OR6N1: variants seen among roughly 807,000 people sequenced by gnomAD.
The protein encoded by OR6N1 is olfactory receptor family 6 subfamily N member 1, also known as olfactory receptor 6N1.
For synonymous variants in OR6N1, 170 were observed against 150.7 expected (o/e 1.13, Z -0.94); for missense variants, 394 against 371.7 (o/e 1.06, Z -0.49).
chr1:158,824,743 C>T, the OR6N1 span, among the ~76,000 whole-genome samples: 1 of 152,154 alleles, frequency 6.6e-6, no homozygotes, highest in Non-Finnish European at 1.5e-5. Flanking sequence ...ATAAATGGTA[C>T]TGAGGTAACT....
chr1:158,804,241 C>T, the OR6N1 span, among the ~76,000 whole-genome samples: 1 of 152,242 alleles, frequency 6.6e-6, no homozygotes, highest in East Asian at 1.9e-4. Context: ...GATCACCATC[C>T]TTTGGTCTGA....
chr1:158,799,196 A>T, the OR6N1 span, among the ~76,000 whole-genome samples: 3 of 152,192 alleles, frequency 2.0e-5, no homozygotes, highest in Admixed American at 2.0e-4. Context: ...CATTTATCTC[A>T]CACCTAGTCA....
the OR6N1 span, among the ~76,000 whole-genome samples, chr1:158,799,365 G>A: frequency 1.7e-4 from 26 of 152,096 alleles, no homozygotes; most frequent in Non-Finnish European, 7.4e-5. Flanking sequence ...CATATAAATC[G>A]TGTTTAAAAG....
At chr1:158,838,524 TTGAG>T in the OR6N1 span, among the ~76,000 whole-genome samples, 1 of 152,112 alleles carries the variant, frequency 6.6e-6, no homozygotes, top group Non-Finnish European at 1.5e-5. Flanking sequence ...CTTTTCGTCT[TTGAG>T]TGTTGGTAAT....
upstream of OR6N1, chr1:158,775,985 G>A (rs1657583068): frequency 6.6e-6 from 1 of 152,138 alleles, no homozygotes. Context: ...GAGAAAAATT[G>A]TGGTTTGGAG....
chr1:158,773,027 G>C (rs1425844748), upstream of OR6N1, among the ~76,000 whole-genome samples: 1 of 151,962 alleles, frequency 6.6e-6, no homozygotes, highest in Non-Finnish European at 1.5e-5. Context: ...ATAATCAAAT[G>C]TGATAATGTA....
the OR6N1 span, among the ~76,000 whole-genome samples, chr1:158,779,228 T>C: frequency 6.6e-6 from 1 of 152,008 alleles, no homozygotes; most frequent in Non-Finnish European, 1.5e-5. Context: ...TAACAAAAAT[T>C]CACAATGCAA....
chr1:158,787,618 C>G, the OR6N1 span, among the ~76,000 whole-genome samples: 2 of 125,060 alleles, frequency 1.6e-5, no homozygotes, highest in African/African-American at 3.9e-5. Context: ...ATCTATCTCT[C>G]TATCTCTCTC....
chr1:158,782,568 G>A, the OR6N1 span, among the ~76,000 whole-genome samples: 2 of 152,208 alleles, frequency 1.3e-5, no homozygotes, highest in South Asian at 4.1e-4. Flanking sequence ...ATTATAGGAT[G>A]TGGGCTCATA....
At chr1:158,800,159 A>T in the OR6N1 span, among the ~76,000 whole-genome samples, 1 of 152,154 alleles carries the variant, frequency 6.6e-6, no homozygotes. Context: ...TGACTTCTTA[A>T]GCACCGTTTA....
At chr1:158,832,695 A>T in the OR6N1 span, among the ~76,000 whole-genome samples, 1 of 151,810 alleles carries the variant, frequency 6.6e-6, no homozygotes, top group Admixed American at 6.6e-5. Context: ...ACTTAAGCCT[A>T]TTTTAAGCTA....
the OR6N1 span, among the ~76,000 whole-genome samples, chr1:158,809,818 G>C: frequency 6.6e-6 from 1 of 152,162 alleles, no homozygotes; most frequent in African/African-American, 2.4e-5. Context: ...GAATATAAAA[G>C]AAATGCAGAA....
At chr1:158,815,133 C>T in the OR6N1 span, among the ~76,000 whole-genome samples, 2 of 152,122 alleles carry the variant, frequency 1.3e-5, no homozygotes, top group Non-Finnish European at 2.9e-5. Context: ...CTGAGATAAT[C>T]TAAGAAAGGA....
the OR6N1 span, among the ~76,000 whole-genome samples, chr1:158,839,873 C>T: frequency 5.9e-4 from 90 of 152,254 alleles, no homozygotes; most frequent in Middle Eastern, 3.4e-3. Context: ...AAGTCTGGAA[C>T]GTCCTTGTCT....
chr1:158,784,062 C>T, the OR6N1 span, among the ~76,000 whole-genome samples: 2 of 152,048 alleles, frequency 1.3e-5, no homozygotes, highest in African/African-American at 2.4e-5. Context: ...GCCGAGATCT[C>T]GCCACTGCAC....
the OR6N1 span, among the ~76,000 whole-genome samples, chr1:158,790,115 C>T: frequency 2.0e-5 from 3 of 152,080 alleles, no homozygotes; most frequent in Non-Finnish European, 2.9e-5. Context: ...AATGTATGTT[C>T]GTGGTGTATT....
the OR6N1 span, among the ~76,000 whole-genome samples, chr1:158,794,921 T>G: frequency 6.6e-6 from 1 of 152,206 alleles, no homozygotes; most frequent in Non-Finnish European, 1.5e-5. Context: ...GAAGGTGGTC[T>G]GGCATCTCAA....
intron 1 of OR6N1, among the ~76,000 whole-genome samples, chr1:158,767,801 C>A (rs112332354): frequency 3.9e-5 from 6 of 152,146 alleles, no homozygotes; most frequent in Admixed American, 2.6e-4. Context: ...TTCCAAGAGT[C>A]GGCTATACGC....
the OR6N1 span, among the ~76,000 whole-genome samples, chr1:158,799,963 T>G: frequency 6.6e-6 from 1 of 152,136 alleles, no homozygotes; most frequent in African/African-American, 2.4e-5. Context: ...CCAGAGGCTT[T>G]CTACTTCAGA....
Sources: allele counts gnomAD v4.1 joint callset (sites outside exome capture counted in the v4.1 genomes callset), GRCh38; gene constraint gnomAD v4.1.1; transcripts MANE v1.5; gene names NCBI Gene and HGNC (gene_info 2026-07-23, HGNC 2026-07-21).